The following TBC1D20 variants were observed in gnomAD, a reference collection of about 807,000 sequenced individuals.
TBC1D20 encodes chromosome 20 open reading frame 140.
In TBC1D20, 12 loss-of-function variants were observed where a neutral mutation model predicts 41.6. The observed-to-expected ratio is 0.29, with a 90% CI of 0.18 to 0.47. The LOEUF (loss-of-function observed/expected upper bound fraction) is 0.47, where lower values mean the gene tolerates loss of function less well. TBC1D20 is among the 20% of genes least tolerant of loss of function. The probability of loss-of-function intolerance (pLI) is 1.00; values close to 1 mark genes in which losing one functional copy is unlikely to be tolerated. For synonymous variants in TBC1D20, 205 were observed against 204.8 expected (o/e 1.00, Z -0.01); for missense variants, 421 against 517.4 (o/e 0.81, Z 1.81).
intron 1 of TBC1D20, among the ~76,000 whole-genome samples, chr20:458,969 T>C (rs1416322740): frequency 1.3e-5 from 2 of 152,192 alleles, no homozygotes; most frequent in Non-Finnish European, 2.9e-5. Context: ...CAGTGGCAGA[T>C]GGAGAAAGCA....
At chr20:438,935 T>C (rs2017173077) in intron 7 of TBC1D20, 94 bp from the exon 8 acceptor site, 1 of 1,523,374 alleles carries the variant, frequency 6.6e-7, no homozygotes, top group Non-Finnish European at 8.9e-7. Context: ...AGCCTTTCAT[T>C]GCTGGGAAAG....
At chr20:444,127 C>CT (rs2017287922) in intron 3 of TBC1D20, among the ~76,000 whole-genome samples, 2 of 140,232 alleles carry the variant, frequency 1.4e-5, no homozygotes, top group South Asian at 2.3e-4. Context: ...GAAACTCTGT[C>CT]TTTAAAAAAA....
chr20:450,092 C>T (rs67124984), intron 1 of TBC1D20, among the ~76,000 whole-genome samples: 54,803 of 151,740 alleles, frequency 0.36, 10,530 homozygotes, highest in Middle Eastern at 0.46. Context: ...AACATAACCA[C>T]ATGAAAAGGT....
intron 6 of TBC1D20, 122 bp downstream of exon 6, chr20:440,126 A>C: frequency 7.6e-7 from 1 of 1,308,882 alleles, no homozygotes; most frequent in Non-Finnish European, 1.0e-6. Context: ...GTCCAGGGAC[A>C]CCAGCCTGGG....
At chr20:454,236 CAAAAA>C (rs5839859) in intron 1 of TBC1D20, among the ~76,000 whole-genome samples, 1 of 108,354 alleles carries the variant, frequency 9.2e-6, no homozygotes, top group Admixed American at 9.7e-5. Flanking sequence ...AGTTCTGTCT[CAAAAA>C]AAAAAAAAAA....
chr20:453,497 A>AACG (rs2017486899), intron 1 of TBC1D20, among the ~76,000 whole-genome samples: 2 of 140,950 alleles, frequency 1.4e-5, no homozygotes, highest in Non-Finnish European at 3.1e-5. Flanking sequence ...CAACAACAAC[A>AACG]ACGACAGCAA....
At chr20:462,138 C>T (rs1875123246) in intron 1 of TBC1D20, among the ~76,000 whole-genome samples, 198 bp downstream of exon 1, 1 of 152,196 alleles carries the variant, frequency 6.6e-6, no homozygotes, top group Non-Finnish European at 1.5e-5. Context: ...GCTCGGCACC[C>T]GCCCGAGCCC....
intron 1 of TBC1D20, among the ~76,000 whole-genome samples, chr20:453,063 T>C (rs1334602093): frequency 7.1e-6 from 1 of 139,884 alleles, no homozygotes. Context: ...GCAGAATCGC[T>C]TGAACCCAGG....
At chr20:445,192 A>T (rs2017309952) in intron 2 of TBC1D20, 62 bp from the exon 3 acceptor site, 3 of 1,305,770 alleles carry the variant, frequency 2.3e-6, no homozygotes, top group Non-Finnish European at 3.3e-6. Context: ...GAAGCAAAAC[A>T]TTCTGGGATG....
At chr20:450,277 T>C (rs2017421097) in intron 1 of TBC1D20, among the ~76,000 whole-genome samples, 1 of 151,602 alleles carries the variant, frequency 6.6e-6, no homozygotes, top group Non-Finnish European at 1.5e-5. Context: ...GCCTCCTGAG[T>C]AGCTGGGATT....
chr20:439,465 A>G lies in TBC1D20; in HGVS notation c.769-170T>C, dbSNP rs2017185283. On this transcript the variant is annotated intron_variant, in intron 6 of 7. Coordinates refer to ENST00000354200, the MANE Select transcript of TBC1D20 (RefSeq NM_144628.4). This position sits in a 1 kb window ranked among gnomAD's most constrained non-coding sequence, Gnocchi z 4.6. The stretch of plus-strand genomic sequence containing the variant: ...AGGAAGTAATAACATATATACGCTC[A>G]GTGCTACTCCTACTCTCTGGCCCTT... Among the ~76,000 whole-genome samples the G allele has an allele frequency of 6.6e-6, 1 of 152,250 alleles. No individual in the cohort carries two copies. Among genetic ancestry groups the G allele is most frequent in the African/African-American group, 2.4e-5 (1 of 41,458 alleles).
chr20:459,821 G>A (rs547257649), intron 1 of TBC1D20, among the ~76,000 whole-genome samples: 1 of 152,102 alleles, frequency 6.6e-6, no homozygotes, highest in South Asian at 2.1e-4. Context: ...GGTTCTTAAT[G>A]GTTCAGATAA....
intron 3 of TBC1D20, among the ~76,000 whole-genome samples, chr20:443,201 A>C (rs1219867210): frequency 6.6e-6 from 1 of 152,242 alleles, no homozygotes; most frequent in East Asian, 1.9e-4. Context: ...CCTTTCAGTA[A>C]GTATGAAATT....
At chr20:451,088 G>A (rs6116043) in intron 1 of TBC1D20, among the ~76,000 whole-genome samples, 3,166 of 152,284 alleles carry the variant, frequency 0.021, 108 homozygotes, top group African/African-American at 0.071. Flanking sequence ...GTCAAAAAAG[G>A]TGCATGCAGA....
Position 439,369 on chromosome 20 carries a change from C to T in TBC1D20, c.769-74G>A, listed in dbSNP as rs575765713. 1.7e-6 allele frequency: 2 copies of T among 1,166,986 alleles called. No homozygotes were observed. The highest frequency in any genetic ancestry group is 2.4e-6 in the Non-Finnish European group (2 of 817,704). 72.3% of individuals were successfully genotyped at this position (1,166,986 alleles called of 1,614,324 possible). A position where few individuals can be genotyped will look rare whatever the true frequency, so the allele number is the denominator to read the frequency against. On this transcript the variant is annotated intron_variant, in intron 6 of 7. Transcript: ENST00000354200. The surrounding 1 kb of genome is among the most constrained non-coding windows in gnomAD (Gnocchi z 4.6). Reference sequence around the variant, plus strand: ...CCTGGGCCACCTGCACTCCATTATCCTTGCAGATGAATTTAAACTGGTAAC... The same window carrying T: ...CCTGGGCCACCTGCACTCCATTATCTTTGCAGATGAATTTAAACTGGTAAC...
chr20:452,753 T>A (rs998196493), intron 1 of TBC1D20, among the ~76,000 whole-genome samples: 1 of 152,182 alleles, frequency 6.6e-6, no homozygotes, highest in East Asian at 1.9e-4. Context: ...TAGAAATAAC[T>A]AACAGAAGGT....
At chr20:454,650 CATTATTATTATT>C (rs11471553) in intron 1 of TBC1D20, among the ~76,000 whole-genome samples, 1 of 149,512 alleles carries the variant, frequency 6.7e-6, no homozygotes, top group Admixed American at 6.7e-5. Context: ...CAAAGCTGTA[CATTATTATTATT>C]ATTATTATTA....
In TBC1D20 at chr20:438,648, G is replaced by T; in HGVS notation, c.1150C>A (p.Leu384Met). ...GLTVALGAAA[L>M]AVVKSALEWA... Reference sequence around the variant, plus strand: ...TCCAGGGCACTTTTCACCACAGCCAGTGCAGCCGCTCCAAGTGCCACTGTC... The same window carrying T: ...TCCAGGGCACTTTTCACCACAGCCATTGCAGCCGCTCCAAGTGCCACTGTC... The change falls in exon 8 of 8, where the codon CTG becomes ATG. Residue 384 changes from leucine (L) to methionine (M), a missense_variant. This residue lies in a region of TBC1D20 where 161 missense variants were observed against 182.7 expected (regional missense o/e 0.88). Coordinates refer to ENST00000354200, the MANE Select transcript of TBC1D20 (RefSeq NM_144628.4). The T allele has an allele frequency of 6.2e-7, 1 of 1,614,224 alleles. No individual in the cohort carries two copies. Among genetic ancestry groups the T allele is most frequent in the South Asian group, 1.1e-5 (1 of 91,086 alleles).
intron 1 of TBC1D20, among the ~76,000 whole-genome samples, chr20:457,826 A>T (rs1320555959): frequency 6.6e-6 from 1 of 152,250 alleles, no homozygotes; most frequent in African/African-American, 2.4e-5. Flanking sequence ...ACCAGGCTGT[A>T]CGTTTTCAAG....
Sources: gnomAD v4.1 joint callset for allele counts (sites outside exome capture counted in the v4.1 genomes callset) on GRCh38, gnomAD v4.1.1 for gene constraint, gnomAD v4.1.1 regional missense constraint, Gnocchi (gnomAD v3.1) non-coding constraint, MANE v1.5 for transcripts, NCBI Gene and HGNC (gene_info 2026-07-23, HGNC 2026-07-21) for gene names.